The following CPNE4 variants were observed in gnomAD, a reference collection of about 807,000 sequenced individuals.
CPNE4 encodes copine 4.
A neutral mutation model predicts 67.9 loss-of-function variants in CPNE4; 25 were observed. The observed-to-expected ratio is 0.37, with a 90% CI of 0.27 to 0.51. The LOEUF (loss-of-function observed/expected upper bound fraction) is 0.51, where lower values mean the gene tolerates loss of function less well. Ranked by LOEUF, CPNE4 falls within the 20% of genes least tolerant of loss-of-function variation. The pLI is 0.93. For missense variants in CPNE4, 464 were observed against 690.8 expected, an observed-to-expected ratio of 0.67 and a Z score of 3.68; for synonymous variants, 242 against 244.9, an observed-to-expected ratio of 0.99 and a Z score of 0.11.
At chr3:131,701,461 G>T (rs2081299574) in intron 3 of CPNE4, among the ~76,000 whole-genome samples, 1 of 152,198 alleles carries the variant, frequency 6.6e-6, no homozygotes, top group South Asian at 2.1e-4. Flanking sequence ...TATCACTTCT[G>T]AGAATAGGTT....
At chr3:131,544,703 T>G (rs533383009) in intron 14 of CPNE4, among the ~76,000 whole-genome samples, 17 of 152,216 alleles carry the variant, frequency 1.1e-4, no homozygotes, top group African/African-American at 3.4e-4. Context: ...GGTTTGGGGA[T>G]GGAGGGAAGG....
At chr3:131,629,398 T>C (rs936286215) in intron 7 of CPNE4, among the ~76,000 whole-genome samples, 8 of 152,004 alleles carry the variant, frequency 5.3e-5, no homozygotes, top group Admixed American at 2.0e-4. Context: ...CATCTTTTTT[T>C]TTCAGACATA....
At chr3:131,552,588 C>T (rs767552134) in intron 12 of CPNE4, 97 bp from the exon 13 acceptor site, 1 of 898,162 alleles carries the variant, frequency 1.1e-6, no homozygotes, top group African/African-American at 1.6e-5. Flanking sequence ...CAAACAAATG[C>T]CCATTATATT....
chr3:131,947,335 G>A (rs902097182), intron 1 of CPNE4, among the ~76,000 whole-genome samples: 2 of 151,840 alleles, frequency 1.3e-5, no homozygotes, highest in African/African-American at 4.8e-5. Flanking sequence ...CATCATTTAG[G>A]TTTTAAACCC....
intron 12 of CPNE4, among the ~76,000 whole-genome samples, chr3:131,553,602 C>T (rs1012891714): frequency 2.6e-5 from 4 of 152,174 alleles, no homozygotes; most frequent in East Asian, 1.9e-4. Flanking sequence ...TTGCCAACAG[C>T]GGTAACTGAC....
intron 7 of CPNE4, among the ~76,000 whole-genome samples, chr3:131,589,104 T>C (rs2107704111): frequency 6.6e-6 from 1 of 152,288 alleles, no homozygotes; most frequent in Admixed American, 6.5e-5. Flanking sequence ...TATATGTATA[T>C]ATGAAAGGAT....
intron 2 of CPNE4, among the ~76,000 whole-genome samples, chr3:131,772,317 T>TATTATAACC (rs777208575): frequency 2.0e-5 from 3 of 152,164 alleles, no homozygotes; most frequent in Non-Finnish European, 4.4e-5. Context: ...CAATAAATTT[T>TATTATAACC]ATTATAACCA....
At chr3:131,650,744 C>CAAAAAAAAAAAAA (rs141219633) in intron 7 of CPNE4, among the ~76,000 whole-genome samples, 21 of 61,196 alleles carry the variant, frequency 3.4e-4, no homozygotes, top group African/African-American at 8.7e-4. Context: ...GACTCCGTCT[C>CAAAAAAAAAAAAA]AAAAAAAAAA....
chr3:131,681,685 C>A (rs1024867731), intron 6 of CPNE4, among the ~76,000 whole-genome samples: 15 of 151,970 alleles, frequency 9.9e-5, no homozygotes, highest in African/African-American at 2.7e-4. Context: ...TTGGGAAGTT[C>A]TCTCTTATTA....
chr3:131,571,005 C>T (rs1478403526), intron 10 of CPNE4, among the ~76,000 whole-genome samples: 2 of 151,130 alleles, frequency 1.3e-5, no homozygotes, highest in African/African-American at 4.8e-5. Flanking sequence ...AATACTTACA[C>T]CTGCTGTGTT....
chr3:131,769,394 T>A (rs2083107664), intron 2 of CPNE4, among the ~76,000 whole-genome samples: 1 of 152,130 alleles, frequency 6.6e-6, no homozygotes, highest in Admixed American at 6.6e-5. Context: ...GATTTAACTG[T>A]ATTAAACCTA....
chr3:131,574,842 T>G (rs1428136191), intron 10 of CPNE4, among the ~76,000 whole-genome samples: 2 of 152,148 alleles, frequency 1.3e-5, no homozygotes, highest in Admixed American at 6.6e-5. Context: ...CACCTGAGGT[T>G]GAGTGGCATA....
chr3:131,570,660 A>G (rs935230728), intron 10 of CPNE4, among the ~76,000 whole-genome samples: 6 of 152,066 alleles, frequency 3.9e-5, no homozygotes, highest in African/African-American at 1.2e-4. Flanking sequence ...TAGTTGCTCT[A>G]GAGTTCTTAT....
At chr3:131,645,065 G>A (rs571642345) in intron 7 of CPNE4, among the ~76,000 whole-genome samples, 30 of 152,254 alleles carry the variant, frequency 2.0e-4, no homozygotes, top group South Asian at 8.3e-4. Context: ...GTGAAAAACC[G>A]GAAAAACTTG....
chr3:131,946,860 TTTGAG>T, intron 1 of CPNE4, among the ~76,000 whole-genome samples: 2 of 152,294 alleles, frequency 1.3e-5, no homozygotes, highest in South Asian at 4.1e-4. Context: ...TGTGATCTAT[TTTGAG>T]TTAATTTTTA....
intron 1 of CPNE4, among the ~76,000 whole-genome samples, chr3:131,946,156 C>T (rs1043483088): frequency 2.0e-5 from 3 of 152,158 alleles, no homozygotes; most frequent in African/African-American, 7.2e-5. Context: ...AAATCCCTTA[C>T]CATTAAGCAG....
chr3:131,924,115 AG>A (rs1284357052), intron 1 of CPNE4, among the ~76,000 whole-genome samples: 2 of 152,214 alleles, frequency 1.3e-5, no homozygotes, highest in African/African-American at 4.8e-5. Context: ...GGACTCATCA[AG>A]GACAGTGAAA....
intron 5 of CPNE4, among the ~76,000 whole-genome samples, chr3:131,689,171 A>C (rs1258521343): frequency 6.6e-6 from 1 of 152,156 alleles, no homozygotes; most frequent in Non-Finnish European, 1.5e-5. Context: ...CTGTGGACAA[A>C]ATATTTAATT....
chr3:131,927,312 C>A (rs1225048), intron 1 of CPNE4, among the ~76,000 whole-genome samples: 67,283 of 151,900 alleles, frequency 0.44, 15,037 homozygotes, highest in Non-Finnish European at 0.45. Context: ...TATCATTTAA[C>A]ATCCCTCTCT....
Sources: allele counts gnomAD v4.1 joint callset (sites outside exome capture counted in the v4.1 genomes callset), GRCh38; gene constraint gnomAD v4.1.1; transcripts MANE v1.5; gene names NCBI Gene and HGNC (gene_info 2026-07-23, HGNC 2026-07-21).